Variants in WWOX observed in about 807,000 individuals in gnomAD.
The protein encoded by WWOX is WW domain containing oxidoreductase, also known as WW domain-containing oxidoreductase.
Under a neutral mutation model 46.2 loss-of-function variants are expected in WWOX, and 69 were observed. The ratio of observed to expected loss-of-function variants is 1.49; its 90% CI spans 1.23 to 1.82. The LOEUF is 1.82. Among genes scored for constraint, WWOX ranks in the 40% most tolerant of loss-of-function variants. The pLI is 0.00. For missense variants in WWOX, 919 were observed against 542.6 expected (o/e 1.69, Z -6.89); for synonymous variants, 359 against 202.6 (o/e 1.77, Z -6.56).
intron 8 of WWOX, among the ~76,000 whole-genome samples, chr16:79,126,076 G>C (rs1336976425): frequency 6.6e-6 from 1 of 152,104 alleles, no homozygotes; most frequent in African/African-American, 2.4e-5. Flanking sequence ...AAATATGGTA[G>C]GGAAGCAACA....
intron 8 of WWOX, among the ~76,000 whole-genome samples, chr16:78,669,083 A>C (rs145963681): frequency 6.6e-6 from 1 of 152,322 alleles, no homozygotes; most frequent in Non-Finnish European, 1.5e-5. Flanking sequence ...CTACAACTGG[A>C]GCTAAGCAGA....
intron 8 of WWOX, among the ~76,000 whole-genome samples, chr16:79,036,808 G>C (rs1049174592): frequency 2.2e-4 from 34 of 152,322 alleles, no homozygotes; most frequent in African/African-American, 7.5e-4. Flanking sequence ...TTTCAGAAGA[G>C]ATGAACTGTG....
At chr16:79,014,893 A>G (rs557016755) in intron 8 of WWOX, among the ~76,000 whole-genome samples, 1 of 152,294 alleles carries the variant, frequency 6.6e-6, no homozygotes, top group African/African-American at 2.4e-5. Context: ...TTCAATGAGC[A>G]TTTATTTACT....
At chr16:78,545,375 T>C (rs1181691093) in intron 8 of WWOX, among the ~76,000 whole-genome samples, 3 of 150,666 alleles carry the variant, frequency 2.0e-5, no homozygotes, top group Admixed American at 2.0e-4. Context: ...TTAATCCATT[T>C]CTTTTAAAAA....
chr16:78,859,726 A>C (rs1182710960), intron 8 of WWOX, among the ~76,000 whole-genome samples: 2 of 152,222 alleles, frequency 1.3e-5, no homozygotes, highest in African/African-American at 4.8e-5. Flanking sequence ...AGGATATAAC[A>C]GCTGGCAAAC....
In WWOX at chr16:78,109,761, T is replaced by C; in HGVS notation, c.173-17T>C. 1 of 1,614,180 alleles carries C rather than the reference T, an allele frequency of 6.2e-7. No homozygotes were observed. Among genetic ancestry groups the C allele is most frequent in the Non-Finnish European group, 8.5e-7 (1 of 1,180,016 alleles). ...CTTCTCCCTGGCACCTGTAGACCTG[T>C]CTTTCTTGTGTTTCAGATTTGCCAT... is the stretch of plus-strand genomic sequence containing the variant. On this transcript the variant is annotated splice_polypyrimidine_tract_variant and intron_variant, in intron 2 of 8. Coordinates refer to ENST00000566780, the MANE Select transcript of WWOX (RefSeq NM_016373.4).
chr16:78,738,401 A>G (rs2049138321), intron 8 of WWOX, among the ~76,000 whole-genome samples: 1 of 152,192 alleles, frequency 6.6e-6, no homozygotes, highest in Admixed American at 6.5e-5. Flanking sequence ...CTCCCTGTGT[A>G]TGATGCTGGG....
intron 5 of WWOX, among the ~76,000 whole-genome samples, chr16:78,171,765 A>T (rs945131787): frequency 6.6e-6 from 1 of 152,186 alleles, no homozygotes; most frequent in African/African-American, 2.4e-5. Context: ...TAAATAAAGG[A>T]TGATATAAAC....
intron 8 of WWOX, among the ~76,000 whole-genome samples, chr16:78,775,998 T>G (rs1229094169): frequency 2.6e-5 from 4 of 152,196 alleles, no homozygotes; most frequent in Admixed American, 2.6e-4. Flanking sequence ...CATTTATTTA[T>G]TTTTCTCTGC....
intron 8 of WWOX, among the ~76,000 whole-genome samples, chr16:78,870,123 CATG>C (rs2044094766): frequency 1.3e-5 from 2 of 152,150 alleles, no homozygotes; most frequent in African/African-American, 4.8e-5. Flanking sequence ...TCTGACAGGG[CATG>C]ACTCAATCCT....
At chr16:78,283,944 C>T (rs890695011) in intron 5 of WWOX, among the ~76,000 whole-genome samples, 4 of 152,190 alleles carry the variant, frequency 2.6e-5, no homozygotes, top group African/African-American at 7.2e-5. Flanking sequence ...GCATTAATCT[C>T]ACCTCTGAAG....
chr16:78,358,839 T>G (rs2081350533), intron 5 of WWOX, among the ~76,000 whole-genome samples: 1 of 148,372 alleles, frequency 6.7e-6, no homozygotes, highest in Non-Finnish European at 1.5e-5. Context: ...TCAAATATAT[T>G]TCATAAAGTT....
intron 8 of WWOX, among the ~76,000 whole-genome samples, chr16:79,110,415 A>C (rs184516698): frequency 1.3e-5 from 2 of 152,172 alleles, no homozygotes; most frequent in African/African-American, 2.4e-5. Flanking sequence ...CTCTGAGCCC[A>C]AGGAGCAAGT....
At chr16:78,247,117 C>G (rs1017807200) in intron 5 of WWOX, among the ~76,000 whole-genome samples, 4 of 152,034 alleles carry the variant, frequency 2.6e-5, no homozygotes, top group African/African-American at 9.7e-5. Context: ...TTCTGCCCTT[C>G]CCCAGCCCCC....
chr16:78,665,015 G>A (rs936980862), intron 8 of WWOX, among the ~76,000 whole-genome samples: 17 of 152,186 alleles, frequency 1.1e-4, no homozygotes, highest in African/African-American at 3.9e-4. Flanking sequence ...CTGTGCAGCG[G>A]CTGCATTCAT....
intron 8 of WWOX, among the ~76,000 whole-genome samples, chr16:79,197,523 C>A (rs2051264467): frequency 2.0e-5 from 3 of 152,006 alleles, no homozygotes; most frequent in African/African-American, 7.3e-5. Context: ...CTGTCACCAA[C>A]CCTGCTTTTT....
At chr16:78,311,350 T>G (rs1456472652) in intron 5 of WWOX, among the ~76,000 whole-genome samples, 1 of 152,146 alleles carries the variant, frequency 6.6e-6, no homozygotes, top group Middle Eastern at 3.2e-3. Context: ...GAGTCAAGCT[T>G]GGAGAATTCA....
intron 8 of WWOX, among the ~76,000 whole-genome samples, chr16:79,147,260 C>G (rs897818100): frequency 2.6e-5 from 4 of 152,208 alleles, no homozygotes; most frequent in African/African-American, 7.2e-5. Context: ...TCTGCGCCTG[C>G]CTCATCCCTG....
At chr16:78,332,865 G>T (rs546587464) in intron 5 of WWOX, among the ~76,000 whole-genome samples, 3 of 151,898 alleles carry the variant, frequency 2.0e-5, no homozygotes, top group Admixed American at 6.6e-5. Flanking sequence ...GCTTCATGTC[G>T]CACAGTTCAG....
Sources: allele counts gnomAD v4.1 joint callset (sites outside exome capture counted in the v4.1 genomes callset), GRCh38; gene constraint gnomAD v4.1.1; transcripts MANE v1.5; gene names NCBI Gene and HGNC (gene_info 2026-07-23, HGNC 2026-07-21).